TENM2: variants seen among roughly 807,000 people sequenced by gnomAD.
TENM2 encodes the protein teneurin transmembrane protein 2.
TENM2 carries 52 observed loss-of-function variants against 245.2 expected under a neutral mutation model. The ratio of observed to expected loss-of-function variants is 0.21; its 90% CI spans 0.17 to 0.27. The LOEUF is 0.27. Ranked by LOEUF, TENM2 falls within the 10% of genes least tolerant of loss-of-function variation. The pLI is 1.00. For synonymous variants in TENM2, 1,363 were observed against 1,438.9 expected (o/e 0.95, Z 1.19); for missense variants, 3,046 against 3,666.8 (o/e 0.83, Z 4.37).
chr5:167,844,877 T>C (rs1163213077), intron 2 of TENM2, among the ~76,000 whole-genome samples: 1 of 152,054 alleles, frequency 6.6e-6, no homozygotes, highest in East Asian at 1.9e-4. Flanking sequence ...TCGTAGACTT[T>C]TCTATCTTCG....
chr5:168,106,470 T>C (rs954469203), intron 9 of TENM2, among the ~76,000 whole-genome samples: 2 of 152,164 alleles, frequency 1.3e-5, no homozygotes, highest in Non-Finnish European at 2.9e-5. Context: ...TTATAGACGA[T>C]TATCATCCCC....
chr5:167,427,481 A>G (rs960736720), intron 2 of TENM2, among the ~76,000 whole-genome samples: 1 of 148,096 alleles, frequency 6.8e-6, no homozygotes, highest in Admixed American at 6.8e-5. Context: ...AAGGGAAGGA[A>G]GGGAAGCAAG....
intron 7 of TENM2, among the ~76,000 whole-genome samples, chr5:168,065,137 G>A (rs1388710156): frequency 6.6e-6 from 1 of 152,110 alleles, no homozygotes; most frequent in Non-Finnish European, 1.5e-5. Context: ...GGTGGGGTGG[G>A]GGTAGAATAT....
At chr5:167,835,261 C>T (rs1191604045) in intron 2 of TENM2, among the ~76,000 whole-genome samples, 1 of 152,136 alleles carries the variant, frequency 6.6e-6, no homozygotes, top group Non-Finnish European at 1.5e-5. Context: ...GACTATCATC[C>T]CATGGGGACA....
intron 3 of TENM2, 35 bp from the exon 6 acceptor site, chr5:167,952,553 C>T (rs920981049): frequency 1.3e-6 from 2 of 1,535,516 alleles, no homozygotes; most frequent in Non-Finnish European, 1.8e-6. Context: ...CTGGAATTTG[C>T]AGACGCTAAC....
the TENM2 span, among the ~76,000 whole-genome samples, chr5:167,039,304 A>G: frequency 6.6e-6 from 1 of 152,048 alleles, no homozygotes; most frequent in Non-Finnish European, 1.5e-5. Flanking sequence ...CGCACTGGGG[A>G]GATTCTTGGA....
At chr5:167,431,545 C>T (rs1247658978) in intron 2 of TENM2, among the ~76,000 whole-genome samples, 1 of 152,082 alleles carries the variant, frequency 6.6e-6, no homozygotes, top group East Asian at 1.9e-4. Flanking sequence ...AGTTGTTTTG[C>T]ATTACATTAT....
At chr5:167,672,406 T>C (rs1432245500) in intron 2 of TENM2, among the ~76,000 whole-genome samples, 1 of 152,060 alleles carries the variant, frequency 6.6e-6, no homozygotes, top group Non-Finnish European at 1.5e-5. Flanking sequence ...ATAAATTGAT[T>C]AGAACCTGAT....
Position 167,618,559 on chromosome 5 carries a change from G to A in TENM2, c.502+243086G>A, listed in dbSNP as rs573835681. 7.1e-4 allele frequency among the ~76,000 whole-genome samples: 108 copies of A among 152,140 alleles called. No homozygotes were observed. The South Asian group carries it at 0.02, about 28-fold the overall frequency. On this transcript the variant is annotated intron_variant, in intron 2 of 28. Coordinates refer to ENST00000518659, the Ensembl canonical transcript of TENM2. ...ATCATTCGCTTAGCTGCATGTCAGC[G>A]CTCACTCAATGTCTGTGAACAGTGA...
At chr5:167,963,177 A>G (rs970466645) in intron 4 of TENM2, among the ~76,000 whole-genome samples, 4 of 152,222 alleles carry the variant, frequency 2.6e-5, no homozygotes, top group Non-Finnish European at 4.4e-5. Context: ...GGGCTGCTTC[A>G]GCTGGGTTTT....
At chr5:168,076,338 G>GC (rs1791475553) in intron 7 of TENM2, among the ~76,000 whole-genome samples, 1 of 151,692 alleles carries the variant, frequency 6.6e-6, no homozygotes, top group Non-Finnish European at 1.5e-5. Flanking sequence ...CAATTCTCCT[G>GC]CCTCAGCCTC....
chr5:167,041,799 C>G, the TENM2 span, among the ~76,000 whole-genome samples: 2 of 152,084 alleles, frequency 1.3e-5, no homozygotes, highest in Non-Finnish European at 2.9e-5. Flanking sequence ...AGCAAACCTC[C>G]CCCCTCCAAA....
At chr5:167,911,138 G>A (rs1263562458) in intron 3 of TENM2, among the ~76,000 whole-genome samples, 2 of 152,000 alleles carry the variant, frequency 1.3e-5, no homozygotes, top group Admixed American at 6.5e-5. Flanking sequence ...TGTTTTACTT[G>A]GGATGAATGT....
intron 2 of TENM2, among the ~76,000 whole-genome samples, chr5:167,776,937 G>A (rs975632582): frequency 6.6e-6 from 1 of 152,122 alleles, no homozygotes. Flanking sequence ...TGCATGCATT[G>A]AATGTTTTTC....
chr5:167,960,647 A>G (rs1038941152), intron 4 of TENM2, among the ~76,000 whole-genome samples: 1 of 150,438 alleles, frequency 6.6e-6, no homozygotes, highest in Non-Finnish European at 1.5e-5. Flanking sequence ...ATGGGTTGGG[A>G]TCTGCTGAGC....
At chr5:168,189,356 C>G (rs1234079745) in intron 13 of TENM2, among the ~76,000 whole-genome samples, 1 of 152,180 alleles carries the variant, frequency 6.6e-6, no homozygotes, top group African/African-American at 2.4e-5. Context: ...GTCAGTTTCC[C>G]CCACTCTACC....
intron 12 of TENM2, among the ~76,000 whole-genome samples, chr5:168,152,218 G>A (rs940693238): frequency 1.3e-5 from 2 of 152,224 alleles, no homozygotes; most frequent in Non-Finnish European, 2.9e-5. Context: ...ATGTCCCTGT[G>A]AGGGGTTTGC....
chr5:168,005,006 T>C (rs577216936), intron 5 of TENM2, among the ~76,000 whole-genome samples: 1 of 152,302 alleles, frequency 6.6e-6, no homozygotes, highest in African/African-American at 2.4e-5. Flanking sequence ...GTAAAGGTGC[T>C]GCCTAAGGTC....
At chr5:168,116,189 C>A (rs974960551) in intron 9 of TENM2, among the ~76,000 whole-genome samples, 5 of 152,148 alleles carry the variant, frequency 3.3e-5, no homozygotes, top group Non-Finnish European at 7.4e-5. Flanking sequence ...GTTTAAGCAT[C>A]CTGTAGATAG....
Sources: gnomAD v4.1 joint callset for allele counts (sites outside exome capture counted in the v4.1 genomes callset) on GRCh38, gnomAD v4.1.1 for gene constraint, MANE v1.5 for transcripts, NCBI Gene and HGNC (gene_info 2026-07-23, HGNC 2026-07-21) for gene names.